The following WDR72 variants were observed in gnomAD, a reference collection of about 807,000 sequenced individuals.
WDR72 encodes WD repeat domain 72.
In WDR72, 120 loss-of-function variants were observed where a neutral mutation model predicts 124.2. The observed-to-expected ratio is 0.97, with a 90% CI of 0.83 to 1.12. The LOEUF is 1.12. Ranked by LOEUF, WDR72 falls within the 50% of genes most tolerant of loss-of-function variation. The probability of loss-of-function intolerance (pLI) is 0.00; values close to 1 mark genes in which losing one functional copy is unlikely to be tolerated. For synonymous variants in WDR72, 452 were observed against 441.7 expected (o/e 1.02, Z -0.29); for missense variants, 1,387 against 1,278.8 (o/e 1.08, Z -1.29).
chr15:53,614,813 A>G (rs1288110961), intron 15 of WDR72, among the ~76,000 whole-genome samples: 1 of 152,030 alleles, frequency 6.6e-6, no homozygotes, highest in Non-Finnish European at 1.5e-5. Context: ...AAGCAAAGTG[A>G]CTAGCCCAAA....
At chr15:53,640,919 T>G (rs189323740) in intron 14 of WDR72, among the ~76,000 whole-genome samples, 176 of 67,650 alleles carry the variant, frequency 2.6e-3, no homozygotes, top group African/African-American at 5.9e-3. Context: ...TTACAAAGAT[T>G]TTTTTCAAGT....
chr15:53,722,654 T>G, intron 3 of WDR72, 148 bp downstream of exon 3: 1 of 711,176 alleles, frequency 1.4e-6, no homozygotes, highest in South Asian at 1.6e-5. Flanking sequence ...ACACAAGTTA[T>G]TCAAACTTTC....
At chr15:53,625,836 C>A (rs926963514) in intron 14 of WDR72, among the ~76,000 whole-genome samples, 5 of 151,786 alleles carry the variant, frequency 3.3e-5, no homozygotes, top group African/African-American at 4.8e-5. Context: ...AAGTACAAGT[C>A]TAACACTTTT....
chr15:53,751,196 G>A (rs2018765135), intron 1 of WDR72, among the ~76,000 whole-genome samples: 2 of 151,774 alleles, frequency 1.3e-5, no homozygotes, highest in South Asian at 2.1e-4. Flanking sequence ...ATCACCTGAG[G>A]CCAGGAGTTT....
chr15:53,722,834 T>C lies in WDR72; in HGVS notation c.228A>G (p.Lys76=), dbSNP rs1595874503. The C allele has an allele frequency of 6.2e-7, 1 of 1,613,016 alleles. No homozygotes were observed. Among genetic ancestry groups the C allele is most frequent in the Non-Finnish European group, 8.5e-7 (1 of 1,180,000 alleles). Residue 76 remains lysine, a synonymous_variant, in exon 3 of 20, where the codon AAA becomes AAG. Coordinates refer to ENST00000360509, the MANE Select transcript of WDR72 (RefSeq NM_182758.4). ...CAGCAGCACTAACAATGTAGGGCTG[T>C]TTAGAGAAGTCCCTTGCTCTTGCCA... ...TCLARARDFS[K]QPYIVSAAEN...
At chr15:53,716,249 G>C (rs1375733187) in intron 4 of WDR72, among the ~76,000 whole-genome samples, 4 of 152,086 alleles carry the variant, frequency 2.6e-5, no homozygotes, top group Admixed American at 2.6e-4. Flanking sequence ...TTGGAAATGA[G>C]GGAGAAAAAA....
At chr15:53,688,424 C>G (rs2016721079) in intron 13 of WDR72, among the ~76,000 whole-genome samples, 1 of 150,218 alleles carries the variant, frequency 6.7e-6, no homozygotes, top group Admixed American at 6.6e-5. Flanking sequence ...CAACAACAGA[C>G]AAACAGAGAG....
At chr15:53,594,602 T>A (rs2012674063) in intron 18 of WDR72, among the ~76,000 whole-genome samples, 1 of 148,780 alleles carries the variant, frequency 6.7e-6, no homozygotes, top group East Asian at 2.0e-4. Context: ...CATGTTGACA[T>A]CCCATCTGTA....
intron 3 of WDR72, among the ~76,000 whole-genome samples, chr15:53,719,638 C>A (rs143699265): frequency 6.6e-6 from 1 of 152,148 alleles, no homozygotes; most frequent in Non-Finnish European, 1.5e-5. Flanking sequence ...TTTTCTCTCA[C>A]GCTCCCAAAT....
At position 53,616,036 on chromosome 15, in the gene WDR72, T is replaced by G. The variant is rs2013751108; in HGVS notation, c.2170A>C (p.Thr724Pro). The G allele has an allele frequency of 6.2e-7, 1 of 1,612,854 alleles. No individual in the cohort carries two copies. The highest frequency in any genetic ancestry group is 1.1e-5 in the South Asian group (1 of 91,028). ...GTTTTACTTTTTCTCAGTGTCAGTG[T>G]CTTCTTCTCCACTGTGCTCTTGGCT... Reference protein sequence around the residue: ...RRAKSTVEKKTLTLRKSKTAC... With the variant: ...RRAKSTVEKKPLTLRKSKTAC... The change falls in exon 15 of 20, where the codon ACA (threonine) becomes CCA (proline). Residue 724 changes from threonine to proline, a missense_variant. Transcript: ENST00000360509.
At chr15:53,697,879 G>A (rs1043603041) in intron 13 of WDR72, among the ~76,000 whole-genome samples, 14 of 152,044 alleles carry the variant, frequency 9.2e-5, no homozygotes, top group Non-Finnish European at 1.9e-4. Context: ...CGCGATCTCC[G>A]CTCACTGCAA....
intron 7 of WDR72, 125 bp downstream of exon 7, chr15:53,712,647 T>A (rs923718124): frequency 9.8e-7 from 1 of 1,020,948 alleles, no homozygotes; most frequent in Admixed American, 2.6e-5. Flanking sequence ...GACACATCAT[T>A]CCATGTTCTG....
chr15:53,691,664 T>C (rs79172035), intron 13 of WDR72, among the ~76,000 whole-genome samples: 43,573 of 144,494 alleles, frequency 0.3, 6,745 homozygotes, highest in East Asian at 0.35. Flanking sequence ...GATAGATAGA[T>C]AGATAGATAG....
chr15:53,758,692 C>G (rs1440244015), intron 1 of WDR72, among the ~76,000 whole-genome samples: 1 of 134,814 alleles, frequency 7.4e-6, no homozygotes, highest in East Asian at 2.3e-4. Flanking sequence ...TGGAGGAAAA[C>G]ACTTCAGGTA....
intron 18 of WDR72, among the ~76,000 whole-genome samples, chr15:53,551,257 G>A (rs1304067594): frequency 6.6e-6 from 1 of 151,156 alleles, no homozygotes; most frequent in African/African-American, 2.4e-5. Flanking sequence ...AGAGGAGAGA[G>A]GTCAAACCAC....
chr15:53,730,118 T>C (rs772025430), intron 2 of WDR72, among the ~76,000 whole-genome samples: 3 of 152,194 alleles, frequency 2.0e-5, no homozygotes, highest in Non-Finnish European at 4.4e-5. Flanking sequence ...AAGCAACCCA[T>C]GTATGTATCC....
At chr15:53,529,164 A>ATTTTTTTTT (rs1221581823) in intron 18 of WDR72, among the ~76,000 whole-genome samples, 1 of 78,166 alleles carries the variant, frequency 1.3e-5, no homozygotes, top group African/African-American at 5.0e-5. Context: ...ATATATATAT[A>ATTTTTTTTT]TTTTTTTTTT....
chr15:53,711,076 G>A (rs1438746158), intron 8 of WDR72, 123 bp from the exon 9 acceptor site: 2 of 955,074 alleles, frequency 2.1e-6, no homozygotes, highest in Non-Finnish European at 3.2e-6. Flanking sequence ...GTTAGAAATT[G>A]TTGGGTTAAT....
At chr15:53,531,568 T>A (rs1447826170) in intron 18 of WDR72, among the ~76,000 whole-genome samples, 1 of 152,090 alleles carries the variant, frequency 6.6e-6, no homozygotes, top group South Asian at 2.1e-4. Flanking sequence ...GTGACCTTGA[T>A]AAGTAGTAGA....
Sources: gnomAD v4.1 joint callset for allele counts (sites outside exome capture counted in the v4.1 genomes callset) on GRCh38, gnomAD v4.1.1 for gene constraint, MANE v1.5 for transcripts, NCBI Gene and HGNC (gene_info 2026-07-23, HGNC 2026-07-21) for gene names.